Variants in PCDH15 observed in about 807,000 individuals in gnomAD.
PCDH15 encodes the protein protocadherin-15.
In PCDH15, 129 loss-of-function variants were observed where a neutral mutation model predicts 178.5. The observed-to-expected ratio is 0.72, with a 90% confidence interval of 0.63 to 0.84. The LOEUF (loss-of-function observed/expected upper bound fraction) is 0.84. Among genes scored for constraint, PCDH15 ranks in the 40% least tolerant of loss-of-function variants. The pLI, the probability that PCDH15 is intolerant of heterozygous loss-of-function variation, is 0.00. For missense variants in PCDH15, 2,230 were observed against 2,099.9 expected (o/e 1.06, Z -1.21); for synonymous variants, 800 against 732.0 (o/e 1.09, Z -1.50).
At chr10:54,674,828 G>A (rs899971512) in intron 1 of PCDH15, among the ~76,000 whole-genome samples, 1 of 151,792 alleles carries the variant, frequency 6.6e-6, no homozygotes, top group Admixed American at 6.6e-5. Context: ...GTTGTCCAAG[G>A]GTCAATTGTG....
At chr10:55,566,452 A>G (rs1023817360) in intron 2 of PCDH15, among the ~76,000 whole-genome samples, 3 of 151,664 alleles carry the variant, frequency 2.0e-5, no homozygotes, top group African/African-American at 7.2e-5. Flanking sequence ...GTACTAAAAG[A>G]TCTGGCTAGA....
At chr10:54,551,354 T>C (rs577463185) in intron 2 of PCDH15, among the ~76,000 whole-genome samples, 1 of 152,152 alleles carries the variant, frequency 6.6e-6, no homozygotes, top group Non-Finnish European at 1.5e-5. Flanking sequence ...ATTAAAGGGA[T>C]GTTAATCTAG....
At chr10:55,589,697 A>C (rs1475186480) in intron 2 of PCDH15, among the ~76,000 whole-genome samples, 2 of 151,770 alleles carry the variant, frequency 1.3e-5, no homozygotes, top group Non-Finnish European at 2.9e-5. Flanking sequence ...ATGCAGCCAA[A>C]AAACACATGA....
chr10:53,967,499 T>C (rs2134382071), intron 21 of PCDH15, among the ~76,000 whole-genome samples: 2 of 152,318 alleles, frequency 1.3e-5, no homozygotes, highest in South Asian at 4.1e-4. Context: ...CCAGAACTCC[T>C]GGCCTCAAGT....
intron 13 of PCDH15, among the ~76,000 whole-genome samples, chr10:54,178,922 G>A (rs968849777): frequency 2.6e-5 from 4 of 152,088 alleles, no homozygotes; most frequent in Admixed American, 2.6e-4. Context: ...GAAACAACAG[G>A]TGCTGGAGAG....
intron 1 of PCDH15, among the ~76,000 whole-genome samples, chr10:54,740,366 C>A (rs1474701299): frequency 6.6e-6 from 1 of 151,394 alleles, no homozygotes; most frequent in East Asian, 1.9e-4. Context: ...ATTAAAAAGA[C>A]AACAAATAAC....
At chr10:55,407,006 G>C (rs960855673) in intron 2 of PCDH15, among the ~76,000 whole-genome samples, 21 of 152,248 alleles carry the variant, frequency 1.4e-4, no homozygotes, top group African/African-American at 4.3e-4. Flanking sequence ...CAAGCTGAGA[G>C]CTTAAAATGA....
rs534141758 is a variant in PCDH15, at chr10:54,525,723, T to C, written c.157+2089A>G. Among the ~76,000 whole-genome samples, 204 of 152,262 alleles carry C rather than the reference T, an allele frequency of 1.3e-3. 1 individual carries two copies. Among genetic ancestry groups the C allele is most frequent in the Non-Finnish European group, 1.9e-3 (132 of 68,004 alleles). On this transcript the variant is annotated intron_variant, in intron 3 of 37. Coordinates refer to ENST00000644397, the MANE Select transcript of PCDH15 (RefSeq NM_001384140.1). The stretch of plus-strand genomic sequence containing the variant: ...ATCCAGCTGCCTCAGCCTCCCAAAA[T>C]GCTGGGACTACAGGCATGAGCCACC...
intron 11 of PCDH15, among the ~76,000 whole-genome samples, chr10:54,194,468 A>G (rs892057687): frequency 2.6e-5 from 4 of 152,160 alleles, no homozygotes; most frequent in Non-Finnish European, 4.4e-5. Context: ...AAAAAAATCC[A>G]TCTATCTGAG....
At chr10:54,952,658 T>A (rs1292310609) in intron 2 of PCDH15, among the ~76,000 whole-genome samples, 1 of 151,820 alleles carries the variant, frequency 6.6e-6, no homozygotes, top group Non-Finnish European at 1.5e-5. Context: ...TTTAGATATA[T>A]CTGATGCACT....
intron 18 of PCDH15, among the ~76,000 whole-genome samples, chr10:54,048,959 C>A (rs1278326951): frequency 6.6e-6 from 1 of 151,546 alleles, no homozygotes; most frequent in East Asian, 1.9e-4. Context: ...TTGCTGTGGG[C>A]AGTATGGTCA....
intron 17 of PCDH15, among the ~76,000 whole-genome samples, chr10:54,068,641 C>T (rs561061249): frequency 6.6e-6 from 1 of 152,194 alleles, no homozygotes; most frequent in Non-Finnish European, 1.5e-5. Flanking sequence ...ACTTCAAAAA[C>T]AGGCATAATC....
intron 2 of PCDH15, among the ~76,000 whole-genome samples, chr10:55,150,628 A>G (rs572904636): frequency 2.6e-4 from 39 of 152,194 alleles, no homozygotes; most frequent in Non-Finnish European, 4.4e-4. Flanking sequence ...TTATGTAACC[A>G]TATAACATTG....
intron 2 of PCDH15, among the ~76,000 whole-genome samples, chr10:55,603,287 T>C (rs921648360): frequency 2.0e-5 from 3 of 150,710 alleles, no homozygotes; most frequent in Admixed American, 2.0e-4. Context: ...CTGAAAGTGA[T>C]GGGGAGAATG....
At chr10:55,545,271 C>CTTTTT (rs35082183) in intron 2 of PCDH15, among the ~76,000 whole-genome samples, 1 of 141,054 alleles carries the variant, frequency 7.1e-6, no homozygotes. Flanking sequence ...TGCTCAGTTC[C>CTTTTT]TTTTTTTTTT....
Position 54,659,307 on chromosome 10 carries a change from T to C in PCDH15, c.91+4865A>G, listed in dbSNP as rs532908556. Reference sequence around the variant, plus strand: ...TAATAGACATCTACAGAACATACCATGCAACAACCACAGAGTATACATTTT... The same window carrying C: ...TAATAGACATCTACAGAACATACCACGCAACAACCACAGAGTATACATTTT... On this transcript the variant is annotated intron_variant, in intron 2 of 37. Transcript: ENST00000644397. Among the ~76,000 whole-genome samples, 8 of 152,168 alleles carry C rather than the reference T, an allele frequency of 5.3e-5. 1 individual carries two copies. In the South Asian group the frequency reaches 1.7e-3, roughly 31 times the overall value.
At chr10:54,556,817 T>A (rs553474077) in intron 2 of PCDH15, among the ~76,000 whole-genome samples, 3 of 152,190 alleles carry the variant, frequency 2.0e-5, no homozygotes, top group Non-Finnish European at 4.4e-5. Context: ...ACTCAATCTC[T>A]TTGTTGTATT....
chr10:54,084,402 G>A (rs371122490), intron 16 of PCDH15, among the ~76,000 whole-genome samples: 23 of 151,850 alleles, frequency 1.5e-4, no homozygotes, highest in African/African-American at 5.3e-4. Context: ...GAACCCAGGA[G>A]GCGGAGGTTG....
At chr10:54,342,832 T>G (rs1457341659) in intron 6 of PCDH15, among the ~76,000 whole-genome samples, 1 of 152,186 alleles carries the variant, frequency 6.6e-6, no homozygotes, top group Admixed American at 6.5e-5. Context: ...TGAGATTATT[T>G]CGAAGCTTTA....
Sources: allele counts gnomAD v4.1 joint callset (sites outside exome capture counted in the v4.1 genomes callset), GRCh38; gene constraint gnomAD v4.1.1; transcripts MANE v1.5; gene names NCBI Gene and HGNC (gene_info 2026-07-23, HGNC 2026-07-21).